The following SLC2A5 variants were observed in gnomAD, a reference collection of about 807,000 sequenced individuals.
The protein encoded by SLC2A5 is solute carrier family 2, facilitated glucose transporter member 5.
Under a neutral mutation model 50.3 loss-of-function variants are expected in SLC2A5, and 56 were observed. The ratio of observed to expected loss-of-function variants is 1.11; its 90% CI spans 0.90 to 1.39. The LOEUF (loss-of-function observed/expected upper bound fraction) is 1.39. Ranked by LOEUF, SLC2A5 falls within the 40% of genes most tolerant of loss-of-function variation. The probability of loss-of-function intolerance (pLI) is 0.00; values close to 1 mark genes in which losing one functional copy is unlikely to be tolerated. For missense variants in SLC2A5, 566 were observed against 650.1 expected (o/e 0.87, Z 1.41); for synonymous variants, 269 against 281.9 (o/e 0.95, Z 0.46).
chr1:9,092,122 CA>C (rs1642467261), upstream of SLC2A5, among the ~76,000 whole-genome samples: 1 of 152,178 alleles, frequency 6.6e-6, no homozygotes, highest in Admixed American at 6.5e-5. Context: ...CAACGTACAT[CA>C]ATCGGACAAA....
At chr1:9,065,468 G>A (rs566711928) in intron 1 of SLC2A5, among the ~76,000 whole-genome samples, 24 of 152,230 alleles carry the variant, frequency 1.6e-4, no homozygotes, top group South Asian at 8.3e-4. Context: ...CAAACACCCC[G>A]GAGTAGTTAG....
At chr1:9,087,902 A>G (rs1642420319) in intron 1 of SLC2A5, among the ~76,000 whole-genome samples, 1 of 151,976 alleles carries the variant, frequency 6.6e-6, no homozygotes, top group South Asian at 2.1e-4. Context: ...GCCAATTCCA[A>G]CTGGAACATC....
At chr1:9,078,606 T>C (rs1279407924) in intron 2 of SLC2A5, among the ~76,000 whole-genome samples, 2 of 152,362 alleles carry the variant, frequency 1.3e-5, no homozygotes, top group East Asian at 3.9e-4. Context: ...AAACATTTCA[T>C]TTAAAGAAGA....
chr1:9,070,472 C>G (rs2124459798), upstream of SLC2A5, among the ~76,000 whole-genome samples: 1 of 152,208 alleles, frequency 6.6e-6, no homozygotes, highest in Middle Eastern at 3.4e-3. Flanking sequence ...ATACCTCGAA[C>G]CCCTTTCCAG....
At chr1:9,089,086 A>G (rs1642436094), upstream of SLC2A5, among the ~76,000 whole-genome samples, 1 of 152,228 alleles carries the variant, frequency 6.6e-6, no homozygotes, top group South Asian at 2.1e-4. Context: ...CAGCTGAAAC[A>G]CACGCAGATA....
Position 9,047,675 on chromosome 1 carries a change from C to T in SLC2A5, c.353G>A (p.Cys118Tyr). The T allele has an allele frequency of 6.2e-7, 1 of 1,614,066 alleles. No individual in the cohort carries two copies. The highest frequency in any genetic ancestry group is 8.5e-7 in the Non-Finnish European group (1 of 1,179,924). Reference protein sequence around the residue: ...FSIVPAILMGCSRVATSFELI... With the variant: ...FSIVPAILMGYSRVATSFELI... ...CTCAAATGATGTGGCGACTCTGCTG[C>T]ATCCCATTAAGATCGCAGGCACGAT... The change falls in exon 4 of 12, where the codon TGC becomes TAC. Residue 118 changes from cysteine (C) to tyrosine (Y), a missense_variant. Coordinates refer to ENST00000377424, the MANE Select transcript of SLC2A5 (RefSeq NM_003039.3).
intron 1 of SLC2A5, among the ~76,000 whole-genome samples, chr1:9,066,146 G>C (rs1327608520): frequency 1.3e-5 from 2 of 152,138 alleles, no homozygotes; most frequent in African/African-American, 4.8e-5. Flanking sequence ...CTAGTTGCTG[G>C]TGGAGCCACT....
At chr1:9,067,007 A>G (rs1312522635) in intron 1 of SLC2A5, among the ~76,000 whole-genome samples, 6 of 151,662 alleles carry the variant, frequency 4.0e-5, no homozygotes, top group Non-Finnish European at 8.8e-5. Flanking sequence ...AAGGAAAAAG[A>G]AAGAAAAAGA....
At chr1:9,049,321 G>A (rs1181755817) in intron 3 of SLC2A5, 1 of 390,696 alleles carries the variant, frequency 2.6e-6, no homozygotes, top group South Asian at 1.8e-5. Context: ...AATGATTAGT[G>A]TCATAAAATA....
chr1:9,078,191 G>C (rs1167338026), intron 2 of SLC2A5, among the ~76,000 whole-genome samples: 1 of 152,106 alleles, frequency 6.6e-6, no homozygotes, highest in Non-Finnish European at 1.5e-5. Flanking sequence ...CTCTTAGCAT[G>C]CTAATGTATT....
rs1174544627 is a variant in SLC2A5 at position 9,040,673 on chromosome 1, C to T, written c.572-484G>A. 1.9e-5 allele frequency: 3 copies of T among 157,714 alleles called. No individual in the cohort carries two copies. Among genetic ancestry groups the T allele is most frequent in the Non-Finnish European group, 4.2e-5 (3 of 71,710 alleles). 9.8% of individuals were successfully genotyped at this position (157,714 alleles called of 1,614,324 possible). ...GACACATGGGCTGGCTGCATTGGTA[C>T]TGCAAAGGCAAAACTAGAGGCAAAG... On this transcript the variant is annotated intron_variant, in intron 5 of 11. Transcript: ENST00000377424. The surrounding 1 kb of genome is among the most constrained non-coding windows in gnomAD (Gnocchi z 4.3).
intron 4 of SLC2A5, among the ~76,000 whole-genome samples, chr1:9,042,493 CTGTG>C (rs764990889): frequency 8.1e-5 from 12 of 147,676 alleles, no homozygotes; most frequent in African/African-American, 2.2e-4. Context: ...TGTATGGCCT[CTGTG>C]TGTGTGTGTG....
intron 2 of SLC2A5, among the ~76,000 whole-genome samples, chr1:9,081,468 T>TAAAAAAA (rs34557003): frequency 9.8e-6 from 1 of 102,456 alleles, no homozygotes; most frequent in Non-Finnish European, 1.9e-5. Context: ...CTCCTTCTCT[T>TAAAAAAA]AAAAAAAAAA....
At chr1:9,056,612 A>C (rs975685674) in intron 3 of SLC2A5, among the ~76,000 whole-genome samples, 1 of 152,084 alleles carries the variant, frequency 6.6e-6, no homozygotes, top group African/African-American at 2.4e-5. Flanking sequence ...GACGGGTTGG[A>C]CAAGGGGACC....
At chr1:9,078,665 C>CCA (rs1642318964) in intron 2 of SLC2A5, among the ~76,000 whole-genome samples, 1 of 152,152 alleles carries the variant, frequency 6.6e-6, no homozygotes, top group South Asian at 2.1e-4. Flanking sequence ...AACTGTAGAT[C>CCA]CACACTACAT....
At chr1:9,053,359 AT>A (rs1641655992) in intron 3 of SLC2A5, among the ~76,000 whole-genome samples, 3 of 81,158 alleles carry the variant, frequency 3.7e-5, no homozygotes, top group East Asian at 6.4e-4. Flanking sequence ...ATTTATATAT[AT>A]TATATATTTA....
rs1161779554 is a variant in SLC2A5 at position 9,055,412 on chromosome 1, G to A, written c.293+2036C>T. 1.9e-4 allele frequency among the ~76,000 whole-genome samples: 29 copies of A among 152,258 alleles called. 1 individual carries two copies. The highest frequency in any genetic ancestry group is 1.9e-3 in the Admixed American group (29 of 15,284). On this transcript the variant is annotated intron_variant, in intron 3 of 11. Transcript: ENST00000377424. ...TGCGCCTGTAATCCCAGCTACTTGG[G>A]AGGCCGAGGCAGGAGAATCGTTTGA...
At position 9,058,019 on chromosome 1, in the gene SLC2A5, G is replaced by A. The variant is rs577232718; in HGVS notation, c.132+133C>T. ...CTGCGAGTTCCCTCGGGTCTGTGCT[G>A]TGTCCGGAGGGTGTTTCCCTCTCCC... On this transcript the variant is annotated intron_variant, in intron 2 of 11. Transcript: ENST00000377424. 3.0e-4 allele frequency: 201 copies of A among 671,342 alleles called. 2 individuals are homozygous for A. In the South Asian group the frequency reaches 3.4e-3, roughly 11 times the overall value. 41.6% of individuals were successfully genotyped at this position (671,342 alleles called of 1,614,324 possible).
At position 9,075,027 on chromosome 1, in the gene SLC2A5, C is replaced by T. The variant is rs572757195; in HGVS notation, c.-58-5433G>A. Among the ~76,000 whole-genome samples the T allele has an allele frequency of 3.5e-5, 5 of 142,154 alleles. No individual in the cohort carries two copies. The East Asian group carries it at 1.1e-3, about 30-fold the overall frequency. The allele number at this position is 142,154 out of a possible 152,430, so 93.3% of individuals were successfully genotyped here. On this transcript the variant is annotated intron_variant, in intron 2 of 5. Transcript: ENST00000464985. ...CAGAGTGAGATCCCATCTCAAAAAACAAAACAAAAAAAAAAAGAAGTGCTT... is the reference window on the plus strand; with the variant it reads ...CAGAGTGAGATCCCATCTCAAAAAATAAAACAAAAAAAAAAAGAAGTGCTT...
Sources: allele counts gnomAD v4.1 joint callset (sites outside exome capture counted in the v4.1 genomes callset), GRCh38; gene constraint gnomAD v4.1.1; non-coding constraint Gnocchi (gnomAD v3.1); transcripts MANE v1.5; gene names NCBI Gene and HGNC (gene_info 2026-07-23, HGNC 2026-07-21).